UBL3: variants seen among roughly 807,000 people sequenced by gnomAD.
UBL3 encodes ubiquitin-like protein 3.
UBL3 carries 6 observed loss-of-function variants against 18.4 expected under a neutral mutation model. The ratio of observed to expected loss-of-function variants is 0.33; its 90% CI spans 0.18 to 0.64. The LOEUF (loss-of-function observed/expected upper bound fraction) is 0.64. Among genes scored for constraint, UBL3 ranks in the 30% least tolerant of loss-of-function variants. The pLI is 0.76. For synonymous variants in UBL3, 49 were observed against 46.6 expected (o/e 1.05, Z -0.21); for missense variants, 109 against 142.9 (o/e 0.76, Z 1.21).
At chr13:29,788,969 G>A (rs981495169) in intron 1 of UBL3, among the ~76,000 whole-genome samples, 3 of 150,772 alleles carry the variant, frequency 2.0e-5, no homozygotes, top group Non-Finnish European at 4.4e-5. Context: ...GCGCAATCTC[G>A]GCTCACCGCA....
At chr13:29,771,989 G>A in intron 3 of UBL3, 123 bp downstream of exon 3, 1 of 827,728 alleles carries the variant, frequency 1.2e-6, no homozygotes, top group African/African-American at 1.7e-5. Context: ...ACCAGAAATA[G>A]GCAGAATTCA....
At chr13:29,776,369 C>T (rs1333887406) in intron 2 of UBL3, among the ~76,000 whole-genome samples, 2 of 147,212 alleles carry the variant, frequency 1.4e-5, no homozygotes, top group Non-Finnish European at 3.0e-5. Flanking sequence ...CTCAAGTGAT[C>T]CTCCTGCCTC....
At chr13:29,834,320 T>C (rs974294189) in intron 1 of UBL3, among the ~76,000 whole-genome samples, 10 of 152,016 alleles carry the variant, frequency 6.6e-5, no homozygotes, top group Non-Finnish European at 1.3e-4. Context: ...GATAACTAAA[T>C]AGTTCTTTAA....
At chr13:29,806,963 C>A (rs1877914265) in intron 1 of UBL3, among the ~76,000 whole-genome samples, 1 of 152,000 alleles carries the variant, frequency 6.6e-6, no homozygotes, top group African/African-American at 2.4e-5. Flanking sequence ...TTAATATATA[C>A]CATATTTTAT....
intron 1 of UBL3, among the ~76,000 whole-genome samples, chr13:29,825,503 T>G (rs891766054): frequency 2.0e-5 from 3 of 152,206 alleles, no homozygotes; most frequent in Non-Finnish European, 4.4e-5. Flanking sequence ...GCTCTCTGTT[T>G]GTCTGTTATT....
At chr13:29,777,713 T>C (rs987777267) in intron 1 of UBL3, among the ~76,000 whole-genome samples, 3 of 152,206 alleles carry the variant, frequency 2.0e-5, no homozygotes, top group African/African-American at 4.8e-5. Flanking sequence ...AAATAAACTA[T>C]ATACAAGTTT....
chr13:29,783,390 T>C (rs1469157966), intron 1 of UBL3, among the ~76,000 whole-genome samples: 1 of 152,254 alleles, frequency 6.6e-6, no homozygotes, highest in Non-Finnish European at 1.5e-5. Context: ...CTTATATCTA[T>C]GAGACAAGCT....
At chr13:29,831,722 G>T (rs748775286) in intron 1 of UBL3, among the ~76,000 whole-genome samples, 2 of 148,914 alleles carry the variant, frequency 1.3e-5, no homozygotes, top group South Asian at 4.2e-4. Flanking sequence ...AAAAAAGAAC[G>T]CTGACATTAA....
intron 1 of UBL3, among the ~76,000 whole-genome samples, chr13:29,841,236 C>T (rs1325836818): frequency 1.6e-4 from 23 of 148,126 alleles, no homozygotes; most frequent in Admixed American, 1.5e-3. Context: ...AAAAATGCTA[C>T]TAGATTTGAC....
chr13:29,771,131 A>G (rs1358605971), intron 3 of UBL3, among the ~76,000 whole-genome samples: 1 of 152,052 alleles, frequency 6.6e-6, no homozygotes, highest in South Asian at 2.1e-4. Flanking sequence ...GTGTTGGCCC[A>G]TAAGAATTTA....
chr13:29,796,172 C>T (rs1483279982), intron 1 of UBL3, among the ~76,000 whole-genome samples: 2 of 151,852 alleles, frequency 1.3e-5, no homozygotes, highest in South Asian at 2.1e-4. Flanking sequence ...GCTTTTGGAG[C>T]CCTTGGAAGT....
intron 1 of UBL3, among the ~76,000 whole-genome samples, chr13:29,814,590 T>C (rs529035440): frequency 6.6e-6 from 1 of 152,126 alleles, no homozygotes; most frequent in African/African-American, 2.4e-5. Flanking sequence ...AGCACTGTAA[T>C]AGGCCCAAGA....
At chr13:29,796,976 A>G (rs984459801) in intron 1 of UBL3, among the ~76,000 whole-genome samples, 1 of 152,246 alleles carries the variant, frequency 6.6e-6, no homozygotes. Context: ...CGTGGGTCAT[A>G]TAAAGAGAAC....
intron 1 of UBL3, among the ~76,000 whole-genome samples, chr13:29,781,178 A>G (rs1332922884): frequency 6.6e-6 from 1 of 152,114 alleles, no homozygotes; most frequent in African/African-American, 2.4e-5. Flanking sequence ...TCTGCCTCAA[A>G]ATAAATAAAT....
At position 29,772,202 on chromosome 13, in the gene UBL3, A is replaced by G. The variant is rs201764923; in HGVS notation, c.137-4T>C. On this transcript the variant is annotated splice_polypyrimidine_tract_variant and splice_region_variant and intron_variant, in intron 2 of 4. Coordinates refer to ENST00000380680, the MANE Select transcript of UBL3 (RefSeq NM_007106.4). ...CTGACCTGCTCTTCTTCCCAGTCTGAAAAGAATCCAGTGTACTGGTTAGGT... is the reference window on the plus strand; with the variant it reads ...CTGACCTGCTCTTCTTCCCAGTCTGGAAAGAATCCAGTGTACTGGTTAGGT... The G allele has an allele frequency of 8.3e-5, 133 of 1,610,078 alleles. 1 individual carries two copies. Among genetic ancestry groups the G allele is most frequent in the African/African-American group, 7.7e-4 (58 of 74,946 alleles).
chr13:29,809,067 T>C (rs1370444849), intron 1 of UBL3, among the ~76,000 whole-genome samples: 1 of 152,156 alleles, frequency 6.6e-6, no homozygotes, highest in East Asian at 1.9e-4. Flanking sequence ...GCACCTACCC[T>C]AGACACCTAC....
intron 1 of UBL3, among the ~76,000 whole-genome samples, chr13:29,794,519 G>A (rs1340654099): frequency 6.6e-6 from 1 of 152,266 alleles, no homozygotes; most frequent in East Asian, 1.9e-4. Context: ...GAACATGGCT[G>A]GTAGCAGATA....
chr13:29,826,936 T>A (rs1397348622), intron 1 of UBL3, among the ~76,000 whole-genome samples: 19 of 152,246 alleles, frequency 1.2e-4, no homozygotes, highest in Admixed American at 1.2e-3. Flanking sequence ...CTTCATTTCG[T>A]TATGTACCCA....
At chr13:29,795,688 G>A (rs1304932939) in intron 1 of UBL3, among the ~76,000 whole-genome samples, 2 of 149,784 alleles carry the variant, frequency 1.3e-5, no homozygotes, top group Non-Finnish European at 3.0e-5. Context: ...GGGAGGCTGA[G>A]GCAGGAGGAT....
Sources: gnomAD v4.1 joint callset for allele counts (sites outside exome capture counted in the v4.1 genomes callset) on GRCh38, gnomAD v4.1.1 for gene constraint, MANE v1.5 for transcripts, NCBI Gene and HGNC (gene_info 2026-07-23, HGNC 2026-07-21) for gene names.